Variants in ZFAND3 observed in about 807,000 individuals in gnomAD.
ZFAND3 encodes AN1-type zinc finger protein 3.
In ZFAND3, 10 loss-of-function variants were observed where a neutral mutation model predicts 29.6. The ratio of observed to expected loss-of-function variants is 0.34; its 90% CI spans 0.21 to 0.57. ZFAND3 has a LOEUF of 0.57. Ranked by LOEUF, ZFAND3 falls within the 20% of genes least tolerant of loss-of-function variation. The pLI, the probability that ZFAND3 is intolerant of heterozygous loss-of-function variation, is 0.86. For missense variants in ZFAND3, 230 were observed against 304.5 expected, an observed-to-expected ratio of 0.76 and a Z score of 1.82; for synonymous variants, 128 against 112.6, an observed-to-expected ratio of 1.14 and a Z score of -0.87.
chr6:37,910,816 G>A (rs1170171490), intron 1 of ZFAND3, among the ~76,000 whole-genome samples: 6 of 152,108 alleles, frequency 3.9e-5, no homozygotes, highest in Non-Finnish European at 2.9e-5. Flanking sequence ...TCGGTGTCTG[G>A]CTTATTTCAC....
intron 2 of ZFAND3, among the ~76,000 whole-genome samples, chr6:38,031,378 C>T (rs1376683645): frequency 3.9e-5 from 6 of 152,214 alleles, no homozygotes; most frequent in African/African-American, 1.4e-4. Flanking sequence ...TTCAGCAGAT[C>T]TATGTTTTAT....
At chr6:37,871,396 C>G (rs1398370414) in intron 1 of ZFAND3, among the ~76,000 whole-genome samples, 1 of 152,152 alleles carries the variant, frequency 6.6e-6, no homozygotes, top group South Asian at 2.1e-4. Context: ...GTTATAGTAG[C>G]TGCTTTAAAA....
chr6:37,874,804 G>A (rs6912250), intron 1 of ZFAND3, among the ~76,000 whole-genome samples: 19,818 of 152,072 alleles, frequency 0.13, 2,106 homozygotes, highest in African/African-American at 0.3. Context: ...TCAAACTCTG[G>A]ACTCAAGCAG....
At chr6:37,933,831 T>TA (rs1052773419) in intron 2 of ZFAND3, among the ~76,000 whole-genome samples, 3 of 152,146 alleles carry the variant, frequency 2.0e-5, no homozygotes, top group Admixed American at 6.5e-5. Context: ...TGGCCTCTGT[T>TA]ACCTTTAAAG....
chr6:38,085,231 C>T (rs183709228), intron 4 of ZFAND3, among the ~76,000 whole-genome samples: 3 of 152,282 alleles, frequency 2.0e-5, no homozygotes, highest in Non-Finnish European at 2.9e-5. Context: ...GAGGTAGTCT[C>T]CCAGACAGAA....
chr6:38,007,184 T>G (rs2127442105), intron 2 of ZFAND3, among the ~76,000 whole-genome samples: 1 of 152,318 alleles, frequency 6.6e-6, no homozygotes, highest in Admixed American at 6.5e-5. Flanking sequence ...TATATTTAGC[T>G]TTATGAAAAA....
At position 38,061,722 on chromosome 6, in the gene ZFAND3, G is replaced by C; in HGVS notation, c.242G>C (p.Ser81Thr). The C allele has an allele frequency of 6.2e-7, 1 of 1,614,146 alleles. No homozygotes were observed. ...TSITTPTLSP[S>T]QQPLPTELNV... ...ATAACCACGCCAACTCTTAGTCCCA[G>C]CCAGCAGCCGCTTCCGACAGAACTG... The change falls in exon 3 of 6, where the codon AGC becomes ACC. Residue 81 changes from serine to threonine, a missense_variant. Physicochemically the swap from Ser to Thr is moderately conservative, Grantham distance 58. Transcript: ENST00000287218.
intron 2 of ZFAND3, among the ~76,000 whole-genome samples, chr6:37,933,237 A>G (rs545533934): frequency 6.6e-6 from 1 of 152,374 alleles, no homozygotes; most frequent in African/African-American, 2.4e-5. Flanking sequence ...TAGGTTAAAC[A>G]TTTTCTTTTC....
At position 38,153,700 on chromosome 6, in the gene ZFAND3, T is replaced by G. The variant is rs1362966392; in HGVS notation, c.*1311T>G. 2 of 985,128 alleles carry G rather than the reference T, an allele frequency of 2.0e-6. No individual in the cohort carries two copies. The highest frequency in any genetic ancestry group is 1.2e-6 in the Non-Finnish European group (1 of 829,850). 61.0% of individuals were successfully genotyped at this position (985,128 alleles called of 1,614,324 possible). On this transcript the variant is annotated 3_prime_UTR_variant, in exon 6 of 6. Coordinates refer to ENST00000287218, the MANE Select transcript of ZFAND3 (RefSeq NM_021943.3). ...GGTGGGGGTGGGCCTGGTTGCCCCA[T>G]GTTAGGAAATCACTACCAGTCAGGT...
chr6:38,086,059 C>G (rs1375866112), intron 4 of ZFAND3, among the ~76,000 whole-genome samples: 2 of 152,002 alleles, frequency 1.3e-5, no homozygotes, highest in East Asian at 1.9e-4. Context: ...CTACAACTAT[C>G]AAAATGAGAG....
chr6:37,982,360 G>A (rs1457857912), intron 2 of ZFAND3, among the ~76,000 whole-genome samples: 1 of 152,104 alleles, frequency 6.6e-6, no homozygotes. Context: ...CAATAAAAAT[G>A]TAGCCAATTA....
intron 1 of ZFAND3, among the ~76,000 whole-genome samples, chr6:37,904,131 A>C (rs536795674): frequency 6.6e-6 from 1 of 152,286 alleles, no homozygotes; most frequent in East Asian, 1.9e-4. Context: ...GACATACATA[A>C]GGTTGTCCCA....
chr6:38,121,584 C>T, intron 5 of ZFAND3, among the ~76,000 whole-genome samples: 1 of 152,142 alleles, frequency 6.6e-6, no homozygotes, highest in East Asian at 1.9e-4. Context: ...CTCTATCCCT[C>T]CCCTCACCTA....
intron 1 of ZFAND3, among the ~76,000 whole-genome samples, chr6:37,881,524 G>T (rs1182317910): frequency 6.6e-6 from 1 of 152,168 alleles, no homozygotes. Context: ...TGCTGGAGGG[G>T]AAGCTGTTAG....
chr6:37,956,387 G>A (rs1762086766), intron 2 of ZFAND3, among the ~76,000 whole-genome samples: 1 of 152,144 alleles, frequency 6.6e-6, no homozygotes, highest in Non-Finnish European at 1.5e-5. Flanking sequence ...AGTGGCTTAT[G>A]GAAGTAAATA....
Position 38,117,790 on chromosome 6 carries a change from C to T in ZFAND3, c.529+1051C>T, listed in dbSNP as rs115973818. ...CACTCAGCAGTTATAAAGTAATGGT[C>T]ACTGGAAGTTTACTATCTTCTGAAG... On this transcript the variant is annotated intron_variant, in intron 5 of 5. Coordinates refer to ENST00000287218, the MANE Select transcript of ZFAND3 (RefSeq NM_021943.3). 2.5e-3 allele frequency among the ~76,000 whole-genome samples: 382 copies of T among 152,316 alleles called. 1 individual carries two copies. Among genetic ancestry groups the T allele is most frequent in the Non-Finnish European group, 4.7e-3 (317 of 68,018 alleles).
At chr6:37,905,613 G>A (rs958147518) in intron 1 of ZFAND3, among the ~76,000 whole-genome samples, 1 of 152,076 alleles carries the variant, frequency 6.6e-6, no homozygotes, top group Non-Finnish European at 1.5e-5. Flanking sequence ...TTTGCGGAAG[G>A]TGTTTTTTAA....
intron 3 of ZFAND3, among the ~76,000 whole-genome samples, chr6:38,065,756 A>G (rs1162572339): frequency 6.6e-6 from 1 of 152,226 alleles, no homozygotes; most frequent in Non-Finnish European, 1.5e-5. Context: ...TTGTCACAAT[A>G]TTATGAAAAT....
At chr6:38,011,775 G>A (rs768441919) in intron 2 of ZFAND3, among the ~76,000 whole-genome samples, 12 of 151,772 alleles carry the variant, frequency 7.9e-5, no homozygotes, top group African/African-American at 1.2e-4. Context: ...CACTTAAAAC[G>A]TGATCAAATA....
Sources: gnomAD v4.1 joint callset for allele counts (sites outside exome capture counted in the v4.1 genomes callset) on GRCh38, gnomAD v4.1.1 for gene constraint, MANE v1.5 for transcripts, NCBI Gene and HGNC (gene_info 2026-07-23, HGNC 2026-07-21) for gene names.